The following RTTN variants were observed in gnomAD, a reference collection of about 807,000 sequenced individuals.
RTTN encodes rotatin.
Under a neutral mutation model 269.2 loss-of-function variants are expected in RTTN, and 182 were observed. That is an observed-to-expected ratio of 0.68 (90% CI 0.60 to 0.76). RTTN has a LOEUF of 0.76. Among genes scored for constraint, RTTN ranks in the 30% least tolerant of loss-of-function variants. The pLI, the probability that RTTN is intolerant of heterozygous loss-of-function variation, is 0.00. For missense variants in RTTN, 2,545 were observed against 2,608.6 expected (o/e 0.98, Z 0.53); for synonymous variants, 1,006 against 963.5 (o/e 1.04, Z -0.82).
intron 40 of RTTN, among the ~76,000 whole-genome samples, chr18:70,047,736 T>C (rs1371975905): frequency 6.6e-6 from 1 of 152,232 alleles, no homozygotes; most frequent in Non-Finnish European, 1.5e-5. Context: ...TTAGTAATAT[T>C]TCACTTCAAA....
intron 12 of RTTN, among the ~76,000 whole-genome samples, chr18:70,167,756 T>C (rs1393949806): frequency 2.0e-5 from 3 of 148,104 alleles, no homozygotes; most frequent in African/African-American, 7.4e-5. Context: ...CAATTCAAAA[T>C]TCTATCACAG....
chr18:70,196,447 C>G (rs1380903878), intron 7 of RTTN, 54 bp downstream of exon 7: 1 of 1,513,406 alleles, frequency 6.6e-7, no homozygotes, highest in Non-Finnish European at 9.0e-7. Context: ...TGGAAGGTTC[C>G]CAGAAGAATC....
At chr18:70,091,605 A>G (rs1448265810) in intron 30 of RTTN, 1 of 152,214 alleles carries the variant, frequency 6.6e-6, no homozygotes, top group African/African-American at 2.4e-5. Context: ...CAAAACTTCT[A>G]TGAGAAAAGA....
chr18:70,028,679 A>C, intron 43 of RTTN, 45 bp downstream of exon 43: 1 of 1,164,104 alleles, frequency 8.6e-7, no homozygotes, highest in East Asian at 2.4e-5. Context: ...TAAACTGCTT[A>C]ATACCAGTAC....
chr18:70,202,427 G>A lies in RTTN; in HGVS notation c.398-444C>T, dbSNP rs116394553. 9.6e-3 allele frequency among the ~76,000 whole-genome samples: 1,454 copies of A among 152,220 alleles called. 22 individuals carry two copies. The highest frequency in any genetic ancestry group is 0.033 in the African/African-American group (1,384 of 41,518). ...ACCTTTACAATTCCCTATAACATGCGATTATATGTTCAGCAGTTCAGCTGC... is the reference window on the plus strand; with the variant it reads ...ACCTTTACAATTCCCTATAACATGCAATTATATGTTCAGCAGTTCAGCTGC... On this transcript the variant is annotated intron_variant, in intron 3 of 48. Coordinates refer to ENST00000640769, the MANE Select transcript of RTTN (RefSeq NM_173630.4).
intron 12 of RTTN, among the ~76,000 whole-genome samples, chr18:70,167,629 G>A (rs971149610): frequency 3.3e-5 from 5 of 151,834 alleles, no homozygotes; most frequent in African/African-American, 7.3e-5. Context: ...AGGCTGAGGC[G>A]GGAGGTGGAG....
chr18:70,149,033 T>G lies in RTTN; in HGVS notation c.2177A>C (p.Tyr726Ser). Residue 726 changes from tyrosine to serine, a missense_variant, in exon 17 of 49, where the codon TAT (tyrosine) becomes TCT (serine). Coordinates refer to ENST00000640769, the MANE Select transcript of RTTN (RefSeq NM_173630.4). ...LCPVIPILQGYADTEDPLGNC... is the reference protein window; with the variant it reads ...LCPVIPILQGSADTEDPLGNC... ...ACCCAGAGGATCTTCTGTGTCGGCA[T>G]AGCCCTAATAGATTTGTTTTTAAAG... 6.2e-7 allele frequency: 1 copy of G among 1,607,868 alleles called. No individual in the cohort carries two copies. The highest frequency in any genetic ancestry group is 1.1e-5 in the South Asian group (1 of 89,368).
chr18:70,074,113 G>A (rs537227329), intron 33 of RTTN, 119 bp from the exon 34 acceptor site: 2 of 584,514 alleles, frequency 3.4e-6, no homozygotes, highest in African/African-American at 3.9e-5. Flanking sequence ...AACTTATATG[G>A]ATCTGGCTTC....
intron 16 of RTTN, 110 bp downstream of exon 16, chr18:70,149,861 T>G (rs2060491877): frequency 1.2e-6 from 1 of 810,168 alleles, no homozygotes; most frequent in Non-Finnish European, 2.1e-6. Flanking sequence ...CCTTCACAGC[T>G]TCTCTTCATT....
At chr18:70,144,604 C>T (rs1032872258) in intron 18 of RTTN, among the ~76,000 whole-genome samples, 5 of 152,178 alleles carry the variant, frequency 3.3e-5, no homozygotes, top group African/African-American at 1.2e-4. Context: ...GCCCTCTCCC[C>T]GCCTTCCTCC....
At chr18:70,175,045 CAAAAA>C (rs5825998) in intron 11 of RTTN, among the ~76,000 whole-genome samples, 5 of 86,858 alleles carry the variant, frequency 5.8e-5, no homozygotes, top group Non-Finnish European at 8.3e-5. Flanking sequence ...AAACCAAAAC[CAAAAA>C]AAAAAAAAAA....
At chr18:70,192,014 C>T (rs138542362) in intron 8 of RTTN, among the ~76,000 whole-genome samples, 23 of 152,260 alleles carry the variant, frequency 1.5e-4, no homozygotes, top group African/African-American at 5.3e-4. Context: ...TTTTATTTAA[C>T]CCTAGCTCTG....
intron 40 of RTTN, among the ~76,000 whole-genome samples, chr18:70,045,152 T>G (rs894568115): frequency 5.3e-5 from 8 of 152,242 alleles, no homozygotes; most frequent in African/African-American, 1.7e-4. Flanking sequence ...ATGAATACTT[T>G]CAACATGTAT....
At chr18:70,189,881 AATTACAAT>A (rs1464423293) in intron 9 of RTTN, among the ~76,000 whole-genome samples, 1 of 152,202 alleles carries the variant, frequency 6.6e-6, no homozygotes, top group East Asian at 1.9e-4. Flanking sequence ...TGTTCAGTAC[AATTACAAT>A]TAAATACCAG....
intron 32 of RTTN, among the ~76,000 whole-genome samples, chr18:70,076,873 T>A (rs1449423187): frequency 1.4e-5 from 2 of 141,700 alleles, no homozygotes; most frequent in Non-Finnish European, 3.1e-5. Flanking sequence ...TACATTACCT[T>A]ATTTTATTAT....
intron 40 of RTTN, chr18:70,031,468 C>T (rs2057010436): frequency 2.5e-6 from 1 of 397,282 alleles, no homozygotes; most frequent in South Asian, 1.3e-4. Context: ...TAACATGCAC[C>T]TGTCATATAA....
chr18:70,184,378 AC>A (rs770310404), intron 10 of RTTN, among the ~76,000 whole-genome samples: 8 of 151,974 alleles, frequency 5.3e-5, no homozygotes, highest in Non-Finnish European at 7.4e-5. Flanking sequence ...ACATGGTGAA[AC>A]CCTGTCTCTA....
At chr18:70,130,907 A>C (rs2059981813) in intron 23 of RTTN, 1 of 152,150 alleles carries the variant, frequency 6.6e-6, no homozygotes, top group Admixed American at 6.6e-5. Context: ...TACTCCATAA[A>C]TATGTACTAT....
At chr18:70,087,094 G>A (rs945890452) in intron 31 of RTTN, among the ~76,000 whole-genome samples, 2 of 151,360 alleles carry the variant, frequency 1.3e-5, no homozygotes, top group African/African-American at 4.8e-5. Flanking sequence ...CCTCTGCCCC[G>A]CTTTCTCCCT....
Sources: allele counts gnomAD v4.1 joint callset (sites outside exome capture counted in the v4.1 genomes callset), GRCh38; gene constraint gnomAD v4.1.1; transcripts MANE v1.5; gene names NCBI Gene and HGNC (gene_info 2026-07-23, HGNC 2026-07-21).